The following CDH13 variants were observed in gnomAD, a reference collection of about 807,000 sequenced individuals.
The protein encoded by CDH13 is cadherin-13.
In CDH13, 24 loss-of-function variants were observed where a neutral mutation model predicts 63.8. The observed-to-expected ratio is 0.38, with a 90% CI of 0.27 to 0.53. The LOEUF is 0.53. CDH13 is among the 20% of genes least tolerant of loss of function. The probability of loss-of-function intolerance (pLI) is 0.85; values close to 1 mark genes in which losing one functional copy is unlikely to be tolerated. For missense variants in CDH13, 1,049 were observed against 903.1 expected, an observed-to-expected ratio of 1.16 and a Z score of -2.07; for synonymous variants, 503 against 355.3, an observed-to-expected ratio of 1.42 and a Z score of -4.67.
intron 2 of CDH13, among the ~76,000 whole-genome samples, chr16:82,936,771 G>A (rs1186994995): frequency 1.3e-5 from 2 of 152,194 alleles, no homozygotes; most frequent in African/African-American, 4.8e-5. Flanking sequence ...CTCTACTTGA[G>A]TGCATTGCCC....
At chr16:83,790,492 C>T (rs935790631) in intron 13 of CDH13, among the ~76,000 whole-genome samples, 1 of 152,166 alleles carries the variant, frequency 6.6e-6, no homozygotes, top group Non-Finnish European at 1.5e-5. Flanking sequence ...CTCCACCTCC[C>T]GGATTCACGC....
chr16:83,635,958 A>G (rs1911223750), intron 8 of CDH13, among the ~76,000 whole-genome samples: 2 of 152,124 alleles, frequency 1.3e-5, no homozygotes, highest in South Asian at 2.1e-4. Context: ...TAAGTCCATG[A>G]TCCTTTCGGA....
At chr16:82,761,017 C>CTTTCTTTTTTTTTTTTTTTTTTTT (rs2034820362) in intron 1 of CDH13, among the ~76,000 whole-genome samples, 2 of 40,452 alleles carry the variant, frequency 4.9e-5, no homozygotes, top group Admixed American at 4.4e-4. Flanking sequence ...TTCTTTCTTT[C>CTTTCTTTTTTTTTTTTTTTTTTTT]TTTTTTTTTT....
intron 5 of CDH13, among the ~76,000 whole-genome samples, chr16:83,298,300 A>T (rs2089651844): frequency 6.6e-6 from 1 of 152,000 alleles, no homozygotes; most frequent in Non-Finnish European, 1.5e-5. Context: ...AAAAGGGAAG[A>T]AGTGAGGGAG....
At chr16:83,160,870 T>C (rs1194968827) in intron 4 of CDH13, among the ~76,000 whole-genome samples, 1 of 152,154 alleles carries the variant, frequency 6.6e-6, no homozygotes, top group Non-Finnish European at 1.5e-5. Context: ...TCCACACAAG[T>C]GTTTGTCTGG....
chr16:83,599,978 A>G (rs1907624910), intron 7 of CDH13, among the ~76,000 whole-genome samples: 1 of 152,190 alleles, frequency 6.6e-6, no homozygotes, highest in Non-Finnish European at 1.5e-5. Context: ...AGCCAATAGT[A>G]CATGCAGTCC....
intron 7 of CDH13, among the ~76,000 whole-genome samples, chr16:83,536,251 G>C (rs1374755729): frequency 6.6e-6 from 1 of 152,180 alleles, no homozygotes; most frequent in Non-Finnish European, 1.5e-5. Flanking sequence ...TAGTTGGGGG[G>C]ACCAATATTA....
intron 2 of CDH13, among the ~76,000 whole-genome samples, chr16:82,861,275 C>A (rs2039934486): frequency 6.6e-6 from 1 of 152,160 alleles, no homozygotes; most frequent in African/African-American, 2.4e-5. Context: ...TCATATTTTT[C>A]CTTTATCTTT....
chr16:83,263,886 T>TA (rs940449123), intron 5 of CDH13, among the ~76,000 whole-genome samples: 8 of 151,226 alleles, frequency 5.3e-5, no homozygotes, highest in Middle Eastern at 3.4e-3. Context: ...CTGAATTTTT[T>TA]AAAAAAAATA....
Position 82,901,025 on chromosome 16 carries a change from G to A in CDH13, c.157+42552G>A, listed in dbSNP as rs1056242199. Among the ~76,000 whole-genome samples the A allele has an allele frequency of 2.6e-5, 4 of 151,514 alleles. No individual in the cohort carries two copies. The East Asian group carries it at 7.8e-4, about 29-fold the overall frequency. On this transcript the variant is annotated intron_variant, in intron 2 of 13. Coordinates refer to ENST00000567109, the MANE Select transcript of CDH13 (RefSeq NM_001257.5). ...AAGTTTCTAGGTTCTTGGAGATCAA[G>A]TTAATGCCCCTCATAAGGTTGTTTC...
chr16:82,705,298 C>T (rs757420093), intron 1 of CDH13: 14 of 370,842 alleles, frequency 3.8e-5, no homozygotes, highest in Non-Finnish European at 5.8e-5. Context: ...TATATTCTTA[C>T]TTAAGATCTG....
intron 2 of CDH13, among the ~76,000 whole-genome samples, chr16:82,909,762 G>T (rs1597192248): frequency 6.6e-6 from 1 of 152,202 alleles, no homozygotes; most frequent in African/African-American, 2.4e-5. Context: ...AGAATTATGG[G>T]AGATCTCATC....
At chr16:83,313,029 G>T (rs561476829) in intron 5 of CDH13, among the ~76,000 whole-genome samples, 1 of 152,184 alleles carries the variant, frequency 6.6e-6, no homozygotes, top group Non-Finnish European at 1.5e-5. Flanking sequence ...AGTGCATGGG[G>T]AATCAGCACC....
chr16:83,789,436 TC>T (rs1365495504), intron 13 of CDH13, among the ~76,000 whole-genome samples: 2 of 150,690 alleles, frequency 1.3e-5, no homozygotes, highest in Non-Finnish European at 2.9e-5. Context: ...AACTTCTGCC[TC>T]CCAGGTTCAA....
intron 1 of CDH13, chr16:82,727,547 C>T (rs538743857): frequency 6.6e-6 from 1 of 152,274 alleles, no homozygotes; most frequent in South Asian, 2.1e-4. Context: ...ACTTTGGCTT[C>T]TGTGGAAGCT....
chr16:83,091,175 T>C (rs1204217268), intron 3 of CDH13, among the ~76,000 whole-genome samples: 1 of 152,042 alleles, frequency 6.6e-6, no homozygotes, highest in Non-Finnish European at 1.5e-5. Context: ...CCTTTCTCTC[T>C]CTTCTTCTTT....
intron 4 of CDH13, among the ~76,000 whole-genome samples, chr16:83,192,195 A>C (rs1247404572): frequency 6.6e-6 from 1 of 152,144 alleles, no homozygotes; most frequent in Non-Finnish European, 1.5e-5. Context: ...TCCCATGCTG[A>C]AGCCTTGGAA....
At chr16:82,745,754 G>C (rs904539429) in intron 1 of CDH13, among the ~76,000 whole-genome samples, 1 of 151,982 alleles carries the variant, frequency 6.6e-6, no homozygotes, top group African/African-American at 2.4e-5. Flanking sequence ...ACACATCATT[G>C]AATTAATAAA....
At chr16:83,048,015 A>G (rs1323253645) in intron 3 of CDH13, among the ~76,000 whole-genome samples, 1 of 152,186 alleles carries the variant, frequency 6.6e-6, no homozygotes, top group Admixed American at 6.5e-5. Context: ...TTTTGTCACA[A>G]TAGAAAAATA....
Sources: allele counts gnomAD v4.1 joint callset (sites outside exome capture counted in the v4.1 genomes callset), GRCh38; gene constraint gnomAD v4.1.1; transcripts MANE v1.5; gene names NCBI Gene and HGNC (gene_info 2026-07-23, HGNC 2026-07-21).